The following GPALPP1 variants were observed in gnomAD, a reference collection of about 807,000 sequenced individuals.
GPALPP1 encodes the protein GPALPP motifs-containing protein 1.
Under a neutral mutation model 38.9 loss-of-function variants are expected in GPALPP1, and 30 were observed. The observed-to-expected ratio is 0.77, with a 90% CI of 0.58 to 1.05. The LOEUF (loss-of-function observed/expected upper bound fraction) is 1.05, where lower values mean the gene tolerates loss of function less well. Ranked by LOEUF, GPALPP1 falls within the 50% of genes least tolerant of loss-of-function variation. The pLI is 0.00. For missense variants in GPALPP1, 384 were observed against 408.8 expected (o/e 0.94, Z 0.52); for synonymous variants, 120 against 139.2 (o/e 0.86, Z 0.97).
At chr13:45,020,488 CTACT>C in intron 7 of GPALPP1, 60 bp downstream of exon 7, 1 of 753,442 alleles carries the variant, frequency 1.3e-6, no homozygotes, top group Non-Finnish European at 2.4e-6. Flanking sequence ...ATAATCCCAG[CTACT>C]TGGGAGGCTG....
At chr13:45,007,543 T>C (rs1370248674) in intron 3 of GPALPP1, among the ~76,000 whole-genome samples, 1 of 152,268 alleles carries the variant, frequency 6.6e-6, no homozygotes, top group Non-Finnish European at 1.5e-5. Context: ...TCATAGCTTA[T>C]AAATGATACC....
In GPALPP1 at chr13:45,020,326, T is replaced by C. The variant is rs1411661464; in HGVS notation, c.706-4T>C. 8.2e-7 allele frequency: 1 copy of C among 1,226,308 alleles called. No individual in the cohort carries two copies. The highest frequency in any genetic ancestry group is 1.2e-6 in the Non-Finnish European group (1 of 829,192). 76.0% of individuals were successfully genotyped at this position (1,226,308 alleles called of 1,614,324 possible). A position where few individuals can be genotyped will look rare whatever the true frequency, so the allele number is the denominator to read the frequency against. On this transcript the variant is annotated splice_polypyrimidine_tract_variant and splice_region_variant and intron_variant, in intron 6 of 7. Transcript: ENST00000379151. ...GTAATGTGTTATCTGTGTTCATTCC[T>C]CAGGAAACACAAGAAGCAAGGAAGT...
In GPALPP1 at chr13:45,018,223, C is replaced by T. The variant is rs187055691; in HGVS notation, c.706-2107C>T. Among the ~76,000 whole-genome samples the T allele has an allele frequency of 4.9e-4, 75 of 152,142 alleles. No individual in the cohort carries two copies. In the East Asian group the frequency reaches 0.012, roughly 24 times the overall value. On this transcript the variant is annotated intron_variant, in intron 6 of 7. Coordinates refer to ENST00000379151, the MANE Select transcript of GPALPP1 (RefSeq NM_018559.5). ...CCATCCTGGCTAACATGGTGAAACC[C>T]TGTCTCTACTAAAAATACAAAAAAT...
chr13:45,005,999 C>G (rs1481574196), intron 2 of GPALPP1, among the ~76,000 whole-genome samples: 2 of 150,460 alleles, frequency 1.3e-5, no homozygotes, highest in Non-Finnish European at 3.0e-5. Context: ...GCACTCCAGC[C>G]TGGGCAACAA....
chr13:44,989,764 GC>G, intron 1 of GPALPP1, 22 bp downstream of exon 1: 1 of 1,555,064 alleles, frequency 6.4e-7, no homozygotes, highest in Non-Finnish European at 8.8e-7. Flanking sequence ...CGTCTCCGCT[GC>G]CCACCAGGCC....
chr13:45,031,975 G>C (rs1876218364), downstream of GPALPP1: 1 of 152,212 alleles, frequency 6.6e-6, no homozygotes, highest in South Asian at 2.1e-4. Context: ...TAATGGAGCA[G>C]ATACTTTTAA....
chr13:45,010,169 G>A (rs925052573), intron 4 of GPALPP1, among the ~76,000 whole-genome samples: 4 of 152,106 alleles, frequency 2.6e-5, no homozygotes, highest in Admixed American at 1.3e-4. Context: ...GCTCCTTGCT[G>A]TTCCTCCTCA....
intron 7 of GPALPP1, among the ~76,000 whole-genome samples, chr13:45,023,927 A>G (rs897183296): frequency 6.6e-6 from 1 of 152,152 alleles, no homozygotes; most frequent in Non-Finnish European, 1.5e-5. Context: ...TCTCCTATTA[A>G]TACCAAACTA....
intron 6 of GPALPP1, among the ~76,000 whole-genome samples, chr13:45,016,875 G>GC (rs1287058710): frequency 1.3e-5 from 2 of 152,148 alleles, no homozygotes; most frequent in Non-Finnish European, 2.9e-5. Flanking sequence ...AAACTCCTGG[G>GC]CTCAAGCAAT....
At chr13:45,019,020 C>CATATAAATATATACATAGAAATATATAA (rs1875132421) in intron 6 of GPALPP1, among the ~76,000 whole-genome samples, 5 of 16,058 alleles carry the variant, frequency 3.1e-4, no homozygotes, top group African/African-American at 8.3e-4. Context: ...TATATATACA[C>CATATAAATATATACATAGAAATATATAA]ATATAAATAT....
intron 6 of GPALPP1, among the ~76,000 whole-genome samples, chr13:45,016,459 A>AAAC (rs1210055463): frequency 2.6e-5 from 4 of 152,180 alleles, no homozygotes; most frequent in African/African-American, 9.7e-5. Flanking sequence ...ATCTCAAAAA[A>AAAC]AAACAAAAAA....
At chr13:45,037,337 A>G (rs1416121063) in exon 8 of GPALPP1, 1 of 152,206 alleles carries the variant, frequency 6.6e-6, no homozygotes, top group African/African-American at 2.4e-5. Flanking sequence ...CTTTTTAGGT[A>G]ATGGCTGAAA....
chr13:44,995,202 A>ACACCC (rs755761092), intron 1 of GPALPP1, among the ~76,000 whole-genome samples: 3 of 54,474 alleles, frequency 5.5e-5, no homozygotes, highest in South Asian at 8.5e-4. Context: ...ACACACACAC[A>ACACCC]CCCCTTCTCT....
intron 4 of GPALPP1, among the ~76,000 whole-genome samples, chr13:45,010,001 C>G (rs939007983): frequency 1.3e-5 from 2 of 152,162 alleles, no homozygotes; most frequent in African/African-American, 4.8e-5. Flanking sequence ...CCAGATGAAA[C>G]AAAGGCAGAT....
exon 8 of GPALPP1, chr13:45,036,355 G>A (rs552482482): frequency 6.6e-6 from 1 of 152,304 alleles, no homozygotes; most frequent in South Asian, 2.1e-4. Flanking sequence ...GTAGTTCCTT[G>A]TCCCTGGCTG....
chr13:45,008,724 T>C, intron 3 of GPALPP1, 71 bp from the exon 4 acceptor site: 1 of 786,350 alleles, frequency 1.3e-6, no homozygotes, highest in Non-Finnish European at 2.1e-6. Context: ...TTTATTATTT[T>C]TGTGAACTTT....
At chr13:45,020,450 A>T (rs780665137) in intron 7 of GPALPP1, 22 bp downstream of exon 7, 17 of 967,170 alleles carry the variant, frequency 1.8e-5, no homozygotes, top group Non-Finnish European at 3.4e-6. Flanking sequence ...AATAAGATAT[A>T]TAGAGCCAGG....
intron 7 of GPALPP1, among the ~76,000 whole-genome samples, chr13:45,023,009 C>T (rs1875534540): frequency 6.6e-6 from 1 of 152,154 alleles, no homozygotes; most frequent in South Asian, 2.1e-4. Flanking sequence ...CCACTGCACT[C>T]CAGTGCAGGG....
intron 4 of GPALPP1, among the ~76,000 whole-genome samples, chr13:45,014,421 T>C (rs931349140): frequency 6.6e-6 from 1 of 152,166 alleles, no homozygotes; most frequent in Non-Finnish European, 1.5e-5. Flanking sequence ...AAAAATATAC[T>C]GGCCTTGATC....
Sources: gnomAD v4.1 joint callset for allele counts (sites outside exome capture counted in the v4.1 genomes callset) on GRCh38, gnomAD v4.1.1 for gene constraint, MANE v1.5 for transcripts, NCBI Gene and HGNC (gene_info 2026-07-23, HGNC 2026-07-21) for gene names.